NRXN3: variants seen among roughly 807,000 people sequenced by gnomAD.
NRXN3 encodes neurexin 3.
NRXN3 carries 32 observed loss-of-function variants against 137.6 expected under a neutral mutation model. The observed-to-expected ratio is 0.23, with a 90% CI of 0.18 to 0.31. NRXN3 has a LOEUF of 0.31. Ranked by LOEUF, NRXN3 falls within the 10% of genes least tolerant of loss-of-function variation. The pLI is 1.00. For synonymous variants in NRXN3, 798 were observed against 784.5 expected (o/e 1.02, Z -0.29); for missense variants, 1,574 against 2,062.5 (o/e 0.76, Z 4.59).
intron 8 of NRXN3, among the ~76,000 whole-genome samples, chr14:78,746,528 G>C (rs1174978629): frequency 2.6e-5 from 4 of 152,208 alleles, no homozygotes; most frequent in African/African-American, 7.2e-5. Context: ...GCCCACTCGA[G>C]TGTCTTGATG....
intron 1 of NRXN3, among the ~76,000 whole-genome samples, chr14:78,209,077 TTTTC>T (rs1284483470): frequency 1.3e-5 from 2 of 152,102 alleles, no homozygotes; most frequent in African/African-American, 4.8e-5. Flanking sequence ...GTTGGTTTTG[TTTTC>T]TTGAAGCTTG....
At chr14:78,233,267 T>C (rs2065704777) in intron 1 of NRXN3, among the ~76,000 whole-genome samples, 1 of 152,198 alleles carries the variant, frequency 6.6e-6, no homozygotes. Flanking sequence ...GGTATCCATA[T>C]GGTTGCTTGG....
intron 10 of NRXN3, among the ~76,000 whole-genome samples, chr14:78,851,379 A>G (rs2152486352): frequency 6.6e-6 from 1 of 152,312 alleles, no homozygotes; most frequent in East Asian, 1.9e-4. Flanking sequence ...GGCTCTTGCA[A>G]GCCAGTGCAA....
chr14:78,900,229 G>A (rs1283038530), intron 10 of NRXN3, among the ~76,000 whole-genome samples: 2 of 151,618 alleles, frequency 1.3e-5, no homozygotes, highest in Non-Finnish European at 2.9e-5. Flanking sequence ...TGTTATAGAT[G>A]AGTAAACTGA....
intron 4 of NRXN3, among the ~76,000 whole-genome samples, chr14:78,376,363 A>G (rs1192079328): frequency 6.6e-6 from 1 of 152,126 alleles, no homozygotes; most frequent in African/African-American, 2.4e-5. Context: ...ACATGTCCCA[A>G]TTTTTCAAGA....
At chr14:79,017,636 C>A (rs1325424781) in intron 15 of NRXN3, among the ~76,000 whole-genome samples, 1 of 152,050 alleles carries the variant, frequency 6.6e-6, no homozygotes, top group Non-Finnish European at 1.5e-5. Context: ...TAACCGTAGT[C>A]GGGTCAGCTT....
chr14:79,179,757 C>G (rs2062722789), intron 15 of NRXN3, among the ~76,000 whole-genome samples: 2 of 152,116 alleles, frequency 1.3e-5, no homozygotes, highest in African/African-American at 2.4e-5. Flanking sequence ...TGGGAGCTTG[C>G]CAGTGGTGAA....
chr14:78,585,630 G>A (rs2097054842), intron 4 of NRXN3, among the ~76,000 whole-genome samples: 1 of 152,052 alleles, frequency 6.6e-6, no homozygotes, highest in African/African-American at 2.4e-5. Context: ...ATGCTTGATG[G>A]GGTTGTTGGT....
chr14:79,300,853 A>G lies in NRXN3; in HGVS notation c.3263-166368A>G, dbSNP rs569143667. 9.9e-5 allele frequency among the ~76,000 whole-genome samples: 15 copies of G among 152,204 alleles called. No individual in the cohort carries two copies. In the South Asian group the frequency reaches 2.3e-3, roughly 23 times the overall value. ...TTGCTGTGTTTGCCAACAATTTACC[A>G]TAAAGTGATAACTGAGTTGGACCTT... On this transcript the variant is annotated intron_variant, in intron 15 of 20. Coordinates refer to ENST00000335750, the MANE Select transcript of NRXN3 (RefSeq NM_001330195.2).
At position 78,575,645 on chromosome 14, in the gene NRXN3, C is replaced by T. The variant is rs898520954; in HGVS notation, c.758-69475C>T. Reference sequence around the variant, plus strand: ...TTCCTTAGAGTTTATATTCTAATGGCGAGTCATAAGTAATCTACAAAATAA... The same window carrying T: ...TTCCTTAGAGTTTATATTCTAATGGTGAGTCATAAGTAATCTACAAAATAA... On this transcript the variant is annotated intron_variant, in intron 4 of 20. Transcript: ENST00000335750. Among the ~76,000 whole-genome samples the T allele has an allele frequency of 1.8e-4, 28 of 152,086 alleles. No individual in the cohort carries two copies. In the South Asian group the frequency reaches 1.9e-3, roughly 10 times the overall value.
At chr14:78,675,119 T>C (rs2097987690) in intron 6 of NRXN3, among the ~76,000 whole-genome samples, 1 of 152,172 alleles carries the variant, frequency 6.6e-6, no homozygotes, top group Non-Finnish European at 1.5e-5. Context: ...AGTGCAGTTT[T>C]AAAGCTCTCT....
intron 4 of NRXN3, among the ~76,000 whole-genome samples, chr14:78,360,945 G>A (rs2085023280): frequency 6.6e-6 from 1 of 152,180 alleles, no homozygotes; most frequent in African/African-American, 2.4e-5. Flanking sequence ...TGAGGTATAT[G>A]TCATCCTCCC....
intron 15 of NRXN3, among the ~76,000 whole-genome samples, chr14:79,394,242 T>G (rs1269794140): frequency 1.3e-5 from 2 of 152,208 alleles, no homozygotes; most frequent in African/African-American, 4.8e-5. Context: ...GTTCTGGGGC[T>G]GGAAGGAAGT....
intron 4 of NRXN3, among the ~76,000 whole-genome samples, chr14:78,478,354 T>C (rs2095415554): frequency 6.6e-6 from 1 of 152,176 alleles, no homozygotes; most frequent in African/African-American, 2.4e-5. Context: ...CAACATGGAA[T>C]GCTTCATGGA....
intron 16 of NRXN3, among the ~76,000 whole-genome samples, chr14:79,572,380 A>G (rs2097614265): frequency 6.6e-6 from 1 of 152,244 alleles, no homozygotes; most frequent in Non-Finnish European, 1.5e-5. Context: ...AAAGCTCTTC[A>G]GAACTATAAA....
At chr14:78,206,297 A>G (rs2062176406) in intron 1 of NRXN3, among the ~76,000 whole-genome samples, 2 of 152,000 alleles carry the variant, frequency 1.3e-5, no homozygotes, top group South Asian at 4.2e-4. Context: ...GGACTAGGGG[A>G]GCTTTTCTCA....
At chr14:78,566,811 A>G (rs2096840638) in intron 4 of NRXN3, among the ~76,000 whole-genome samples, 1 of 152,162 alleles carries the variant, frequency 6.6e-6, no homozygotes, top group Non-Finnish European at 1.5e-5. Flanking sequence ...GGACCAGCTT[A>G]ATGCAGACCA....
chr14:78,901,766 G>T (rs1309134153), intron 10 of NRXN3, among the ~76,000 whole-genome samples: 1 of 152,044 alleles, frequency 6.6e-6, no homozygotes, highest in Non-Finnish European at 1.5e-5. Context: ...CTGGGTTCGA[G>T]TTACTTGTAA....
chr14:78,507,689 A>G (rs73322390), intron 4 of NRXN3, among the ~76,000 whole-genome samples: 3,300 of 152,298 alleles, frequency 0.022, 111 homozygotes, highest in African/African-American at 0.072. Flanking sequence ...TGTAATGAAA[A>G]TGTGGCTGTT....
Sources: gnomAD v4.1 joint callset for allele counts (sites outside exome capture counted in the v4.1 genomes callset) on GRCh38, gnomAD v4.1.1 for gene constraint, MANE v1.5 for transcripts, NCBI Gene and HGNC (gene_info 2026-07-23, HGNC 2026-07-21) for gene names.